The following ZYG11B variants were observed in gnomAD, a reference collection of about 807,000 sequenced individuals.
The protein encoded by ZYG11B is zyg-11 family member B, cell cycle regulator, also known as protein zyg-11 homolog B.
ZYG11B carries 36 observed loss-of-function variants against 82.4 expected under a neutral mutation model. That is an observed-to-expected ratio of 0.44 (90% CI 0.33 to 0.58). The LOEUF (loss-of-function observed/expected upper bound fraction) is 0.58. ZYG11B is among the 20% of genes least tolerant of loss of function. The probability of loss-of-function intolerance (pLI) is 0.02; values close to 1 mark genes in which losing one functional copy is unlikely to be tolerated. For synonymous variants in ZYG11B, 303 were observed against 312.8 expected (o/e 0.97, Z 0.33); for missense variants, 552 against 895.6 (o/e 0.62, Z 4.90).
chr1:52,738,295 C>G (rs550586180), intron 1 of ZYG11B, among the ~76,000 whole-genome samples: 10 of 152,268 alleles, frequency 6.6e-5, no homozygotes, highest in Non-Finnish European at 1.3e-4. Flanking sequence ...ACTGCAGCCT[C>G]AGCCTCCTAA....
intron 13 of ZYG11B, among the ~76,000 whole-genome samples, chr1:52,820,390 TA>T (rs1488994252): frequency 1.3e-5 from 2 of 151,918 alleles, no homozygotes; most frequent in Non-Finnish European, 2.9e-5. Flanking sequence ...CTCACACCTG[TA>T]ACCCCAGCAC....
intron 10 of ZYG11B, among the ~76,000 whole-genome samples, chr1:52,803,087 C>CATATATATATAT (rs1232248742): frequency 4.4e-5 from 1 of 22,544 alleles, no homozygotes; most frequent in Non-Finnish European, 1.0e-4. Context: ...TATATATACA[C>CATATATATATAT]ATATATATAT....
intron 6 of ZYG11B, among the ~76,000 whole-genome samples, chr1:52,793,964 CTTTCA>C (rs1220642588): frequency 1.4e-5 from 2 of 141,038 alleles, no homozygotes; most frequent in African/African-American, 5.3e-5. Flanking sequence ...CTTTCCTTTC[CTTTCA>C]TTTCTTCTTT....
intron 6 of ZYG11B, 52 bp from the exon 7 acceptor site, chr1:52,796,240 A>G (rs1645005258): frequency 7.1e-7 from 1 of 1,414,450 alleles, no homozygotes; most frequent in African/African-American, 1.4e-5. Context: ...GAACTCTGAA[A>G]TTGTGCCTGG....
rs180935029 is a variant in ZYG11B at position 52,796,919 on chromosome 1, T to A, written c.1485+135T>A. 3.3e-3 allele frequency: 332 copies of A among 100,522 alleles called. 1 individual carries two copies. The East Asian group carries it at 0.052, about 16-fold the overall frequency. The allele number at this position is 100,522 out of a possible 1,614,324, so 6.2% of individuals were successfully genotyped here. ...ATATAATTATATATATATTATATATTATATATAATTATATATTATATATAA... is the reference window on the plus strand; with the variant it reads ...ATATAATTATATATATATTATATATAATATATAATTATATATTATATATAA... On this transcript the variant is annotated intron_variant, in intron 8 of 13. Coordinates refer to ENST00000294353, the MANE Select transcript of ZYG11B (RefSeq NM_024646.3).
intron 2 of ZYG11B, among the ~76,000 whole-genome samples, chr1:52,761,995 C>T (rs1644635760): frequency 6.6e-6 from 1 of 152,002 alleles, no homozygotes; most frequent in Non-Finnish European, 1.5e-5. Flanking sequence ...AGGTCATTTG[C>T]CCACTTTTAA....
At chr1:52,798,137 A>G (rs1309836221) in intron 8 of ZYG11B, among the ~76,000 whole-genome samples, 1 of 151,768 alleles carries the variant, frequency 6.6e-6, no homozygotes, top group African/African-American at 2.4e-5. Context: ...CAAACAACAA[A>G]AAATTTTTTT....
chr1:52,786,464 G>A (rs1644912687), intron 5 of ZYG11B, among the ~76,000 whole-genome samples: 1 of 152,136 alleles, frequency 6.6e-6, no homozygotes, highest in Admixed American at 6.5e-5. Context: ...AATGTTCACA[G>A]TAGGCCAGGC....
At chr1:52,803,263 TATACAC>T (rs1645108245) in intron 10 of ZYG11B, among the ~76,000 whole-genome samples, 1 of 80,464 alleles carries the variant, frequency 1.2e-5, no homozygotes, top group Non-Finnish European at 2.3e-5. Context: ...TATATATATA[TATACAC>T]ACACACACAC....
At chr1:52,816,783 T>A in intron 13 of ZYG11B, 154 bp downstream of exon 13, 9 of 151,236 alleles carry the variant, frequency 6.0e-5, no homozygotes, top group Admixed American at 1.5e-4. Context: ...AGGTATTCTT[T>A]TTTTTTTTTT....
chr1:52,802,340 C>CTTTTTTT (rs397980205), intron 10 of ZYG11B, among the ~76,000 whole-genome samples: 11 of 78,072 alleles, frequency 1.4e-4, no homozygotes, highest in Non-Finnish European at 1.9e-4. Context: ...TTCTTTCTCT[C>CTTTTTTT]TTTTTTTTTT....
intron 2 of ZYG11B, among the ~76,000 whole-genome samples, chr1:52,761,318 A>G (rs950693588): frequency 1.3e-5 from 2 of 152,194 alleles, no homozygotes; most frequent in African/African-American, 2.4e-5. Flanking sequence ...GTATCCTTTA[A>G]TCAATCTCTG....
chr1:52,750,958 A>AG (rs1315130875), intron 1 of ZYG11B, among the ~76,000 whole-genome samples: 1 of 152,104 alleles, frequency 6.6e-6, no homozygotes, highest in Non-Finnish European at 1.5e-5. Context: ...TGTTTTGCTA[A>AG]GTAGTATTCC....
In ZYG11B at chr1:52,776,229, A is replaced by AAAAAAAATATATATATATATAT; in HGVS notation, c.952-3623_952-3622insAAAAAATATATATATATATATA. ...AGCAAAACTCTGTCTTAAAAAAAAA[A>AAAAAAAATATATATATATATAT]ATATATATATATATATGCAATAAAG... On this transcript the variant is annotated intron_variant, in intron 3 of 13. Transcript: ENST00000294353. Among the ~76,000 whole-genome samples the AAAAAAAATATATATATATATAT allele has an allele frequency of 6.8e-4, 16 of 23,542 alleles. 1 individual carries two copies. The highest frequency in any genetic ancestry group is 1.0e-3 in the African/African-American group (11 of 10,550). The allele number at this position is 23,542 out of a possible 152,430, so 15.4% of individuals were successfully genotyped here.
intron 13 of ZYG11B, among the ~76,000 whole-genome samples, chr1:52,820,272 C>T (rs1645272037): frequency 6.6e-6 from 1 of 151,778 alleles, no homozygotes; most frequent in Admixed American, 6.6e-5. Context: ...TATTTTGTCT[C>T]CAACTCAGAT....
At chr1:52,757,188 A>G (rs912473007) in intron 2 of ZYG11B, among the ~76,000 whole-genome samples, 2 of 151,264 alleles carry the variant, frequency 1.3e-5, no homozygotes, top group African/African-American at 4.9e-5. Context: ...TTTTATTTTT[A>G]TTTTTGTAGA....
chr1:52,818,577 A>G (rs76268059), intron 13 of ZYG11B, among the ~76,000 whole-genome samples: 2,156 of 152,232 alleles, frequency 0.014, 59 homozygotes, highest in African/African-American at 0.05. Flanking sequence ...AAAAAGCGAC[A>G]TGGTTCTCCA....
At chr1:52,772,221 T>G (rs1052924965) in intron 3 of ZYG11B, 13 of 1,431,286 alleles carry the variant, frequency 9.1e-6, no homozygotes, top group African/African-American at 1.4e-5. Flanking sequence ...AGGCTGTAGA[T>G]GATTCATATT....
At chr1:52,797,070 A>ATATAAATTT (rs1327479016) in intron 8 of ZYG11B, among the ~76,000 whole-genome samples, 2 of 52,452 alleles carry the variant, frequency 3.8e-5, no homozygotes, top group Non-Finnish European at 7.0e-5. Flanking sequence ...ATATTTATAT[A>ATATAAATTT]TTATATATTG....
Sources: gnomAD v4.1 joint callset for allele counts (sites outside exome capture counted in the v4.1 genomes callset) on GRCh38, gnomAD v4.1.1 for gene constraint, MANE v1.5 for transcripts, NCBI Gene and HGNC (gene_info 2026-07-23, HGNC 2026-07-21) for gene names.